Variants in FAM135B observed in about 807,000 individuals in gnomAD.
The protein encoded by FAM135B is protein FAM135B.
Under a neutral mutation model 127.7 loss-of-function variants are expected in FAM135B, and 43 were observed. That is an observed-to-expected ratio of 0.34 (90% confidence interval 0.26 to 0.43). The LOEUF is 0.43. Ranked by LOEUF, FAM135B falls within the 20% of genes least tolerant of loss-of-function variation. FAM135B has a pLI of 1.00. For synonymous variants in FAM135B, 670 were observed against 665.1 expected, an observed-to-expected ratio of 1.01 and a Z score of -0.11; for missense variants, 1,558 against 1,725.6, an observed-to-expected ratio of 0.90 and a Z score of 1.72.
At chr8:138,297,663 G>C (rs1301255849) in intron 3 of FAM135B, among the ~76,000 whole-genome samples, 2 of 152,200 alleles carry the variant, frequency 1.3e-5, no homozygotes, top group East Asian at 3.9e-4. Flanking sequence ...ATGAGAGCTG[G>C]GAGTATGAAG....
At chr8:138,354,604 A>T (rs1829975211) in intron 2 of FAM135B, among the ~76,000 whole-genome samples, 1 of 152,182 alleles carries the variant, frequency 6.6e-6, no homozygotes, top group Non-Finnish European at 1.5e-5. Flanking sequence ...CTTACACTGT[A>T]TCAGGAGCAA....
intron 7 of FAM135B, among the ~76,000 whole-genome samples, chr8:138,201,220 C>T (rs1210729777): frequency 6.6e-6 from 1 of 152,192 alleles, no homozygotes; most frequent in African/African-American, 2.4e-5. Context: ...CACTGTCTCA[C>T]CACCTTGGTC....
At chr8:138,196,691 T>G (rs1816659481) in intron 8 of FAM135B, among the ~76,000 whole-genome samples, 1 of 152,210 alleles carries the variant, frequency 6.6e-6, no homozygotes, top group South Asian at 2.1e-4. Context: ...ATGGGTGTTA[T>G]CGTTGAAAAG....
intron 1 of FAM135B, among the ~76,000 whole-genome samples, chr8:138,464,615 G>C (rs1837294766): frequency 6.6e-6 from 1 of 152,190 alleles, no homozygotes; most frequent in South Asian, 2.1e-4. Flanking sequence ...GTTTGCCAAA[G>C]TGACAGTGAA....
chr8:138,400,781 AT>A (rs1833116037), intron 1 of FAM135B, among the ~76,000 whole-genome samples: 1 of 152,162 alleles, frequency 6.6e-6, no homozygotes, highest in Non-Finnish European at 1.5e-5. Flanking sequence ...CATCCCCCTA[AT>A]TTTAAACTAC....
chr8:138,431,470 C>G (rs546719789), intron 1 of FAM135B, among the ~76,000 whole-genome samples: 31 of 152,304 alleles, frequency 2.0e-4, no homozygotes, highest in African/African-American at 5.3e-4. Flanking sequence ...TAGGCCTAGT[C>G]TGACAACTGC....
intron 9 of FAM135B, among the ~76,000 whole-genome samples, chr8:138,180,575 C>T (rs1030033193): frequency 6.6e-6 from 1 of 152,156 alleles, no homozygotes; most frequent in African/African-American, 2.4e-5. Context: ...TTCTGCTATT[C>T]TTAGACTGAA....
intron 8 of FAM135B, among the ~76,000 whole-genome samples, chr8:138,196,823 A>C: frequency 6.6e-6 from 1 of 152,218 alleles, no homozygotes; most frequent in East Asian, 1.9e-4. Context: ...CCCTGCCCCA[A>C]GGCATCAGCA....
At chr8:138,300,759 T>C (rs1338974442) in intron 3 of FAM135B, among the ~76,000 whole-genome samples, 1 of 147,996 alleles carries the variant, frequency 6.8e-6, no homozygotes, top group Non-Finnish European at 1.5e-5. Context: ...TTTTTTTTTT[T>C]TTTTTTTTTA....
chr8:138,365,906 G>A (rs76835050), intron 2 of FAM135B, among the ~76,000 whole-genome samples: 5,709 of 152,176 alleles, frequency 0.038, 157 homozygotes, highest in Non-Finnish European at 0.06. Flanking sequence ...AAACAGCAAG[G>A]TCCTCCACAT....
Position 138,266,941 on chromosome 8 carries a change from CT to C in FAM135B, c.158-1100del, listed in dbSNP as rs1822987485. On this transcript the variant is annotated intron_variant, in intron 3 of 19. Coordinates refer to ENST00000395297, the MANE Select transcript of FAM135B (RefSeq NM_015912.4). Reference sequence around the variant, plus strand: ...ATGGCATTTTACAAGTTCTAAAGTGCTTTTCAATTGTGGTTACTTTCCTTAA... The same window carrying C: ...ATGGCATTTTACAAGTTCTAAAGTGCTTTCAATTGTGGTTACTTTCCTTAA... Among the ~76,000 whole-genome samples, 2 of 152,056 alleles carry C rather than the reference CT, an allele frequency of 1.3e-5. 1 individual carries two copies.
chr8:138,434,382 T>C (rs1363497134), intron 1 of FAM135B, among the ~76,000 whole-genome samples: 2 of 152,230 alleles, frequency 1.3e-5, no homozygotes, highest in African/African-American at 4.8e-5. Context: ...GCATTTGCTC[T>C]GTCCATGACT....
chr8:138,386,197 CAA>C (rs1832203269), intron 1 of FAM135B, among the ~76,000 whole-genome samples: 2 of 147,566 alleles, frequency 1.4e-5, no homozygotes, highest in South Asian at 4.3e-4. Flanking sequence ...GCCTGAGCAA[CAA>C]GAGGGAAACT....
At chr8:138,245,767 T>C (rs1821231322) in intron 6 of FAM135B, among the ~76,000 whole-genome samples, 1 of 152,146 alleles carries the variant, frequency 6.6e-6, no homozygotes, top group Non-Finnish European at 1.5e-5. Context: ...AGGCAGAGGT[T>C]GGAACAGTTT....
intron 2 of FAM135B, among the ~76,000 whole-genome samples, chr8:138,311,821 T>C (rs989588425): frequency 6.6e-6 from 1 of 152,116 alleles, no homozygotes; most frequent in South Asian, 2.1e-4. Flanking sequence ...GTATAAATGA[T>C]GAACAAAAAT....
At chr8:138,408,651 C>T (rs1274260017) in intron 1 of FAM135B, among the ~76,000 whole-genome samples, 1 of 152,124 alleles carries the variant, frequency 6.6e-6, no homozygotes, top group Non-Finnish European at 1.5e-5. Flanking sequence ...AACTTACAAT[C>T]ATGGCAGAAG....
intron 3 of FAM135B, among the ~76,000 whole-genome samples, chr8:138,305,712 G>A (rs1168369379): frequency 4.6e-5 from 7 of 152,072 alleles, no homozygotes; most frequent in African/African-American, 1.7e-4. Flanking sequence ...GCTTGTAGGA[G>A]GCATCTGAAA....
chr8:138,230,615 C>G (rs1334091184), intron 7 of FAM135B, among the ~76,000 whole-genome samples: 1 of 152,066 alleles, frequency 6.6e-6, no homozygotes, highest in Non-Finnish European at 1.5e-5. Context: ...TGTTCCATGC[C>G]CCTGGACTCA....
intron 14 of FAM135B, among the ~76,000 whole-genome samples, 162 bp from the exon 15 acceptor site, chr8:138,146,212 G>A (rs113168292): frequency 1.2e-4 from 18 of 152,154 alleles, no homozygotes; most frequent in South Asian, 2.1e-4. Context: ...TAGAAACCCC[G>A]GCTCTCCTGT....
Sources: allele counts gnomAD v4.1 joint callset (sites outside exome capture counted in the v4.1 genomes callset), GRCh38; gene constraint gnomAD v4.1.1; transcripts MANE v1.5; gene names NCBI Gene and HGNC (gene_info 2026-07-23, HGNC 2026-07-21).